CAPS2: variants seen among roughly 807,000 people sequenced by gnomAD.
CAPS2 encodes the protein calcyphosine 2, also known as calcyphosin-2.
CAPS2 carries 98 observed loss-of-function variants against 86.5 expected under a neutral mutation model. That is an observed-to-expected ratio of 1.13 (90% CI 0.96 to 1.34). The LOEUF (loss-of-function observed/expected upper bound fraction) is 1.34. Among genes scored for constraint, CAPS2 ranks in the 40% most tolerant of loss-of-function variants. The pLI is 0.00. For synonymous variants in CAPS2, 210 were observed against 225.1 expected (o/e 0.93, Z 0.60); for missense variants, 729 against 686.8 (o/e 1.06, Z -0.69).
intron 1 of CAPS2, among the ~76,000 whole-genome samples, chr12:75,339,066 T>C (rs1439534610): frequency 6.6e-6 from 1 of 152,230 alleles, no homozygotes; most frequent in Non-Finnish European, 1.5e-5. Flanking sequence ...TGAATATACA[T>C]GTGCATGTAT....
chr12:75,316,284 C>T (rs1037903014), intron 6 of CAPS2, 28 bp downstream of exon 6: 23 of 1,547,960 alleles, frequency 1.5e-5, no homozygotes, highest in African/African-American at 4.1e-5. Flanking sequence ...AATGGCTCAC[C>T]AAATAAGTAA....
In CAPS2 at chr12:75,303,551, T is replaced by A. The variant is rs2038079865; in HGVS notation, c.779+1206A>T. On this transcript the variant is annotated intron_variant, in intron 8 of 16. Transcript: ENST00000393284. ...TACATGAGTGTTGTTCTGTTTTTGA[T>A]AATTCCTATGTTGTGCACCTAAAAT... Among the ~76,000 whole-genome samples the A allele has an allele frequency of 2.0e-5, 3 of 152,350 alleles. No individual in the cohort carries two copies. In the South Asian group the frequency reaches 6.2e-4, roughly 32 times the overall value.
intron 13 of CAPS2, 129 bp from the exon 14 acceptor site, chr12:75,289,904 A>G (rs2035549732): frequency 1.5e-6 from 1 of 683,956 alleles, no homozygotes; most frequent in African/African-American, 1.8e-5. Context: ...CAAACAAATC[A>G]AATGTAAGAC....
chr12:75,300,341 G>A (rs2037609585), intron 8 of CAPS2, among the ~76,000 whole-genome samples: 1 of 151,868 alleles, frequency 6.6e-6, no homozygotes, highest in Non-Finnish European at 1.5e-5. Flanking sequence ...TGGATCACGA[G>A]GTCAGGAGAT....
At chr12:75,354,169 G>GC (rs1408432266) in intron 1 of CAPS2, among the ~76,000 whole-genome samples, 1 of 144,626 alleles carries the variant, frequency 6.9e-6, no homozygotes, top group Non-Finnish European at 1.5e-5. Flanking sequence ...AAAAAAAAGG[G>GC]GGGGGGGTAT....
At chr12:75,295,968 T>C (rs1351887984) in intron 11 of CAPS2, among the ~76,000 whole-genome samples, 7 of 152,090 alleles carry the variant, frequency 4.6e-5, no homozygotes, top group Admixed American at 4.6e-4. Flanking sequence ...AAAGAAGATA[T>C]AAAAAGGAAG....
chr12:75,309,619 C>A (rs1449537328), intron 7 of CAPS2, among the ~76,000 whole-genome samples: 3 of 152,132 alleles, frequency 2.0e-5, no homozygotes, highest in Non-Finnish European at 4.4e-5. Context: ...GAAAATGAAA[C>A]AACAATTCAA....
chr12:75,327,194 C>A (rs1156572029), upstream of CAPS2, among the ~76,000 whole-genome samples: 1 of 152,204 alleles, frequency 6.6e-6, no homozygotes, highest in Non-Finnish European at 1.5e-5. Flanking sequence ...GCATCTCCCT[C>A]TTCTCTAATA....
At chr12:75,323,701 C>A (rs1186399339) in intron 2 of CAPS2, among the ~76,000 whole-genome samples, 1 of 152,192 alleles carries the variant, frequency 6.6e-6, no homozygotes, top group East Asian at 1.9e-4. Flanking sequence ...CGAGATTGCG[C>A]CATTGCACTC....
rs564301305 is a variant in CAPS2, at chr12:75,370,023, T to C, written c.-395+20815A>G. The stretch of plus-strand genomic sequence containing the variant: ...AATATTTTAGTATTAATTAAATTAT[T>C]TCCTCCCGTTGAAAATCAATTGAAC... On this transcript the variant is annotated intron_variant, in intron 1 of 5. Coordinates refer to the CAPS2 transcript ENST00000551829. The C allele has an allele frequency of 9.8e-6, 12 of 1,228,800 alleles. 1 individual carries two copies. The East Asian group carries it at 1.9e-4, about 19-fold the overall frequency. 76.1% of individuals were successfully genotyped at this position (1,228,800 alleles called of 1,614,324 possible). A position where few individuals can be genotyped will look rare whatever the true frequency, so the allele number is the denominator to read the frequency against.
intron 1 of CAPS2, among the ~76,000 whole-genome samples, chr12:75,338,740 C>G (rs539553196): frequency 6.6e-6 from 1 of 152,066 alleles, no homozygotes; most frequent in Non-Finnish European, 1.5e-5. Context: ...CTTCCTGAAG[C>G]TCTCTCTCCT....
chr12:75,310,871 A>G (rs1456340557), intron 7 of CAPS2, among the ~76,000 whole-genome samples: 1 of 152,182 alleles, frequency 6.6e-6, no homozygotes, highest in Non-Finnish European at 1.5e-5. Flanking sequence ...TAGCAGAAGC[A>G]CTAAAGGGCA....
At chr12:75,315,473 T>A (rs2039661495) in intron 6 of CAPS2, among the ~76,000 whole-genome samples, 1 of 152,248 alleles carries the variant, frequency 6.6e-6, no homozygotes, top group South Asian at 2.1e-4. Context: ...ACTTGGGACA[T>A]CCACAGAAAA....
At position 75,321,395 on chromosome 12, in the gene CAPS2, A is replaced by T. The variant is rs1458852588; in HGVS notation, c.468+5T>A. On this transcript the variant is annotated splice_donor_5th_base_variant and intron_variant, in intron 5 of 16. Coordinates refer to ENST00000393284, the Ensembl canonical transcript of CAPS2. The stretch of plus-strand genomic sequence containing the variant: ...ATTAGAATTTTTTAAAGCCTCATAC[A>T]TTACCTTTTCATCTATCTTGTTTCT... 4 of 1,520,214 alleles carry T rather than the reference A, an allele frequency of 2.6e-6. No homozygotes were observed. In the East Asian group the frequency reaches 9.9e-5, roughly 37 times the overall value. 94.2% of individuals were successfully genotyped at this position (1,520,214 alleles called of 1,614,324 possible). A position where few individuals can be genotyped will look rare whatever the true frequency, so the allele number is the denominator to read the frequency against.
rs531192793 is a variant in CAPS2, at chr12:75,308,282, T to C, written c.660-3406A>G. On this transcript the variant is annotated intron_variant, in intron 7 of 16. Transcript: ENST00000393284. Reference sequence around the variant, plus strand: ...CACTTCTTCATTTACATAGACAAAGTAGACAAAGTATGTAAATAGATAAAG... The same window carrying C: ...CACTTCTTCATTTACATAGACAAAGCAGACAAAGTATGTAAATAGATAAAG... Among the ~76,000 whole-genome samples the C allele has an allele frequency of 1.2e-4, 19 of 152,258 alleles. No individual in the cohort carries two copies. In the South Asian group the frequency reaches 1.7e-3, roughly 13 times the overall value.
intron 14 of CAPS2, among the ~76,000 whole-genome samples, chr12:75,286,287 T>C (rs1201758776): frequency 2.6e-5 from 4 of 152,164 alleles, no homozygotes; most frequent in East Asian, 1.9e-4. Flanking sequence ...TCTATCATAA[T>C]GTACTGCACA....
At chr12:75,297,096 T>C (rs1444653688) in intron 11 of CAPS2, among the ~76,000 whole-genome samples, 3 of 152,198 alleles carry the variant, frequency 2.0e-5, no homozygotes, top group East Asian at 3.8e-4. Flanking sequence ...CTTCTTTCTT[T>C]CTTTCTTTCC....
At chr12:75,290,086 T>G (rs1017753480) in intron 13 of CAPS2, among the ~76,000 whole-genome samples, 2 of 152,146 alleles carry the variant, frequency 1.3e-5, no homozygotes, top group South Asian at 4.1e-4. Context: ...ACAAATAAAA[T>G]CTTAGATTTT....
intron 14 of CAPS2, among the ~76,000 whole-genome samples, chr12:75,285,379 TATG>T (rs1426471205): frequency 6.6e-6 from 1 of 152,032 alleles, no homozygotes; most frequent in African/African-American, 2.4e-5. Context: ...TAGGGCACAA[TATG>T]ATATTTCAAT....
Sources: allele counts gnomAD v4.1 joint callset (sites outside exome capture counted in the v4.1 genomes callset), GRCh38; gene constraint gnomAD v4.1.1; transcripts MANE v1.5; gene names NCBI Gene and HGNC (gene_info 2026-07-23, HGNC 2026-07-21).